SORCS1: variants seen among roughly 807,000 people sequenced by gnomAD.
SORCS1 encodes the protein sortilin related VPS10 domain containing receptor 1.
In SORCS1, 60 loss-of-function variants were observed where a neutral mutation model predicts 146.1. That is an observed-to-expected ratio of 0.41 (90% CI 0.33 to 0.51). The LOEUF (loss-of-function observed/expected upper bound fraction) is 0.51, where lower values mean the gene tolerates loss of function less well. Among genes scored for constraint, SORCS1 ranks in the 20% least tolerant of loss-of-function variants. The probability of loss-of-function intolerance (pLI) is 0.21; values close to 1 mark genes in which losing one functional copy is unlikely to be tolerated. For synonymous variants in SORCS1, 637 were observed against 584.0 expected, an observed-to-expected ratio of 1.09 and a Z score of -1.31; for missense variants, 1,352 against 1,487.6, an observed-to-expected ratio of 0.91 and a Z score of 1.50.
In SORCS1 at chr10:106,707,645, G is replaced by C. The variant is rs77539143; in HGVS notation, c.1144-1011C>G. Among the ~76,000 whole-genome samples, 744 of 152,250 alleles carry C rather than the reference G, an allele frequency of 4.9e-3. 8 individuals are homozygous for C. The highest frequency in any genetic ancestry group is 0.017 in the African/African-American group (714 of 41,546). ...GAGACTACAAGCAGGTGCCACCACA[G>C]CCAGTTCCCCTCCAATCTTGTCCAA... On this transcript the variant is annotated intron_variant, in intron 7 of 25. Transcript: ENST00000263054.
At chr10:106,806,709 G>T (rs1442096326) in intron 3 of SORCS1, among the ~76,000 whole-genome samples, 1 of 151,604 alleles carries the variant, frequency 6.6e-6, no homozygotes, top group African/African-American at 2.4e-5. Context: ...TAGAGACGGG[G>T]TTTCACCATG....
chr10:107,045,913 G>GCTT (rs1295238616), intron 1 of SORCS1, among the ~76,000 whole-genome samples: 2 of 151,446 alleles, frequency 1.3e-5, no homozygotes, highest in Admixed American at 6.6e-5. Context: ...GTCTCCCAAG[G>GCTT]AGGTGGGACT....
chr10:106,786,157 T>A (rs1946045491), intron 3 of SORCS1, among the ~76,000 whole-genome samples: 1 of 152,152 alleles, frequency 6.6e-6, no homozygotes, highest in Non-Finnish European at 1.5e-5. Context: ...AGAAAAGGAG[T>A]TCTATTCTAC....
chr10:106,891,874 A>G (rs1951250951), intron 2 of SORCS1, among the ~76,000 whole-genome samples: 1 of 152,168 alleles, frequency 6.6e-6, no homozygotes, highest in African/African-American at 2.4e-5. Flanking sequence ...TAAATCACTT[A>G]AGAAATGTAC....
intron 2 of SORCS1, among the ~76,000 whole-genome samples, chr10:106,853,662 A>C (rs1949674706): frequency 6.6e-6 from 1 of 151,432 alleles, no homozygotes; most frequent in South Asian, 2.1e-4. Context: ...ATTTTATTTT[A>C]TTTTCCTTTA....
chr10:106,667,879 C>A, intron 16 of SORCS1, 77 bp from the exon 17 acceptor site: 4 of 898,240 alleles, frequency 4.5e-6, no homozygotes, highest in Middle Eastern at 2.1e-4. Flanking sequence ...AGTCCACAGC[C>A]AAGTTCCACA....
chr10:107,046,130 A>T (rs1488743742), intron 1 of SORCS1, among the ~76,000 whole-genome samples: 1 of 152,064 alleles, frequency 6.6e-6, no homozygotes, highest in Non-Finnish European at 1.5e-5. Flanking sequence ...AATTTTTAGT[A>T]CAGACAGGGT....
At chr10:106,796,944 T>G (rs775927231) in intron 3 of SORCS1, among the ~76,000 whole-genome samples, 1 of 152,084 alleles carries the variant, frequency 6.6e-6, no homozygotes, top group Non-Finnish European at 1.5e-5. Flanking sequence ...CCGTCTCTAC[T>G]AAAAACACAA....
chr10:106,722,449 A>G (rs894289425), intron 6 of SORCS1, among the ~76,000 whole-genome samples: 1 of 152,160 alleles, frequency 6.6e-6, no homozygotes, highest in African/African-American at 2.4e-5. Flanking sequence ...AATTAGTGGG[A>G]TGCATAGTTA....
Position 107,098,648 on chromosome 10 carries a change from T to C in SORCS1, c.558+65321A>G, listed in dbSNP as rs570944644. ...AGAGGAAATTTAATTAATGCCTTTG[T>C]GGCATAACTTCTAACAATTTTGGAA... On this transcript the variant is annotated intron_variant, in intron 1 of 25. Coordinates refer to ENST00000263054, the MANE Select transcript of SORCS1 (RefSeq NM_052918.5). Among the ~76,000 whole-genome samples, 6 of 152,358 alleles carry C rather than the reference T, an allele frequency of 3.9e-5. No individual in the cohort carries two copies. The South Asian group carries it at 1.2e-3, about 32-fold the overall frequency.
In SORCS1 at chr10:106,999,954, G is replaced by C. The variant is rs900916555; in HGVS notation, c.559-43374C>G. On this transcript the variant is annotated intron_variant, in intron 1 of 25. Coordinates refer to ENST00000263054, the MANE Select transcript of SORCS1 (RefSeq NM_052918.5). ...AAAAAAATCTCAGCAGATGTCAGCT[G>C]GGCCAGGCATCACAGGAGGGAAAGT... is the stretch of plus-strand genomic sequence containing the variant. Among the ~76,000 whole-genome samples, 3 of 152,170 alleles carry C rather than the reference G, an allele frequency of 2.0e-5. No homozygotes were observed. In the South Asian group the frequency reaches 6.2e-4, roughly 32 times the overall value.
upstream of SORCS1, among the ~76,000 whole-genome samples, chr10:107,167,163 G>A (rs1381263823): frequency 1.3e-5 from 2 of 152,252 alleles, no homozygotes; most frequent in Non-Finnish European, 2.9e-5. Context: ...TTGTTCATAT[G>A]TAGATAGATG....
In SORCS1 at chr10:106,729,940, C is replaced by T. The variant is rs903885770; in HGVS notation, c.1024+110G>A. ...CAACCCCAAATCCTCAGAAACCACA[C>T]ATCCACTATTACTCTGCATACACCA... is the stretch of plus-strand genomic sequence containing the variant. On this transcript the variant is annotated intron_variant, in intron 6 of 25. Transcript: ENST00000263054. 6.1e-6 allele frequency: 8 copies of T among 1,302,952 alleles called. No homozygotes were observed. The African/African-American group carries it at 7.3e-5, about 12-fold the overall frequency. The allele number at this position is 1,302,952 out of a possible 1,614,324, so 80.7% of individuals were successfully genotyped here.
At chr10:106,588,691 C>T (rs1845396979) in intron 24 of SORCS1, among the ~76,000 whole-genome samples, 1 of 151,540 alleles carries the variant, frequency 6.6e-6, no homozygotes, top group Non-Finnish European at 1.5e-5. Flanking sequence ...GAAACCCCAT[C>T]TCTACTAAAA....
chr10:106,925,056 T>C (rs1302352310), intron 2 of SORCS1, among the ~76,000 whole-genome samples: 1 of 152,166 alleles, frequency 6.6e-6, no homozygotes, highest in Non-Finnish European at 1.5e-5. Flanking sequence ...ATATTATATA[T>C]CATATCTTAT....
intron 1 of SORCS1, among the ~76,000 whole-genome samples, chr10:107,006,321 T>G (rs1957440258): frequency 7.1e-6 from 1 of 140,492 alleles, no homozygotes; most frequent in South Asian, 2.1e-4. Flanking sequence ...AGCTGTTCAA[T>G]GAAAGAAACA....
chr10:106,667,972 T>C (rs1464301557), intron 16 of SORCS1, among the ~76,000 whole-genome samples, 170 bp from the exon 17 acceptor site: 2 of 150,822 alleles, frequency 1.3e-5, no homozygotes, highest in Non-Finnish European at 3.0e-5. Context: ...TTCTCAAAAA[T>C]AGAACTTTTT....
intron 6 of SORCS1, among the ~76,000 whole-genome samples, chr10:106,727,543 T>G (rs904270780): frequency 6.6e-6 from 1 of 152,144 alleles, no homozygotes; most frequent in African/African-American, 2.4e-5. Flanking sequence ...CTGAATATGA[T>G]ATACATGGTC....
At chr10:106,635,897 A>G (rs920984065) in intron 18 of SORCS1, among the ~76,000 whole-genome samples, 2 of 152,228 alleles carry the variant, frequency 1.3e-5, no homozygotes, top group South Asian at 2.1e-4. Flanking sequence ...ATATTTAGGC[A>G]GAGTAGGGAT....
Sources: gnomAD v4.1 joint callset for allele counts (sites outside exome capture counted in the v4.1 genomes callset) on GRCh38, gnomAD v4.1.1 for gene constraint, MANE v1.5 for transcripts, NCBI Gene and HGNC (gene_info 2026-07-23, HGNC 2026-07-21) for gene names.